The following CSMD3 variants were observed in gnomAD, a reference collection of about 807,000 sequenced individuals.
CSMD3 encodes the protein CUB and sushi domain-containing protein 3.
CSMD3 carries 177 observed loss-of-function variants against 435.2 expected under a neutral mutation model. The observed-to-expected ratio is 0.41, with a 90% CI of 0.36 to 0.46. CSMD3 has a LOEUF of 0.46. Ranked by LOEUF, CSMD3 falls within the 20% of genes least tolerant of loss-of-function variation. The probability of loss-of-function intolerance (pLI) is 0.34; values close to 1 mark genes in which losing one functional copy is unlikely to be tolerated. For synonymous variants in CSMD3, 1,656 were observed against 1,520.5 expected (o/e 1.09, Z -2.07); for missense variants, 4,265 against 4,504.6 (o/e 0.95, Z 1.52).
chr8:112,277,685 T>A (rs1302698330), intron 59 of CSMD3, among the ~76,000 whole-genome samples: 2 of 152,154 alleles, frequency 1.3e-5, no homozygotes, highest in Non-Finnish European at 2.9e-5. Flanking sequence ...GGGTAATTTA[T>A]AAAGAAAAAG....
At chr8:112,692,550 C>T (rs2076160153) in intron 13 of CSMD3, among the ~76,000 whole-genome samples, 1 of 152,166 alleles carries the variant, frequency 6.6e-6, no homozygotes, top group African/African-American at 2.4e-5. Context: ...TGTCTACTGG[C>T]TCCAACAACT....
At chr8:112,334,293 T>C (rs1292035618) in intron 45 of CSMD3, among the ~76,000 whole-genome samples, 1 of 152,178 alleles carries the variant, frequency 6.6e-6, no homozygotes, top group Non-Finnish European at 1.5e-5. Flanking sequence ...TTATGATAAA[T>C]TTCTGACTAG....
Position 113,098,650 on chromosome 8 carries a change from G to A in CSMD3, c.917+106C>T, listed in dbSNP as rs1316251288. 5.1e-6 allele frequency: 4 copies of A among 778,024 alleles called. No homozygotes were observed. The East Asian group carries it at 7.9e-5, about 15-fold the overall frequency. The allele number at this position is 778,024 out of a possible 1,614,324, so 48.2% of individuals were successfully genotyped here. A position where few individuals can be genotyped will look rare whatever the true frequency, so the allele number is the denominator to read the frequency against. ...ACCTCTTCACATAACTTTCCTGTAAGATCTTTTAAATATCCAAACCTGTAA... is the reference window on the plus strand; with the variant it reads ...ACCTCTTCACATAACTTTCCTGTAAAATCTTTTAAATATCCAAACCTGTAA... On this transcript the variant is annotated intron_variant, in intron 5 of 70. Transcript: ENST00000297405.
chr8:113,284,016 A>G (rs558004068), intron 2 of CSMD3, among the ~76,000 whole-genome samples: 1 of 152,244 alleles, frequency 6.6e-6, no homozygotes, highest in African/African-American at 2.4e-5. Flanking sequence ...TAGTCTCACT[A>G]ATATGTGGGA....
At chr8:112,859,676 A>G (rs1183701880) in intron 10 of CSMD3, among the ~76,000 whole-genome samples, 1 of 151,826 alleles carries the variant, frequency 6.6e-6, no homozygotes, top group African/African-American at 2.4e-5. Flanking sequence ...AGGACTCACA[A>G]TAGTGCAGTT....
At chr8:112,833,454 AG>A (rs1403880942) in intron 11 of CSMD3, among the ~76,000 whole-genome samples, 1 of 152,074 alleles carries the variant, frequency 6.6e-6, no homozygotes, top group African/African-American at 2.4e-5. Context: ...TGATCTAACT[AG>A]GCACTGGATA....
At chr8:112,896,449 T>G (rs562629355) in intron 10 of CSMD3, among the ~76,000 whole-genome samples, 47 of 151,574 alleles carry the variant, frequency 3.1e-4, no homozygotes, top group Non-Finnish European at 5.6e-4. Flanking sequence ...TTGAGATGAT[T>G]TGTTACATAG....
intron 38 of CSMD3, among the ~76,000 whole-genome samples, chr8:112,379,357 T>C (rs1829256201): frequency 6.6e-6 from 1 of 152,082 alleles, no homozygotes; most frequent in Admixed American, 6.6e-5. Flanking sequence ...TAATCCCAGC[T>C]ACTTGGGAGG....
At chr8:113,346,109 G>A (rs1269122321) in intron 1 of CSMD3, among the ~76,000 whole-genome samples, 2 of 151,918 alleles carry the variant, frequency 1.3e-5, no homozygotes, top group Non-Finnish European at 2.9e-5. Context: ...TAATTTATTT[G>A]TCATTTTTCT....
At chr8:113,109,363 C>T (rs1331942053) in intron 4 of CSMD3, among the ~76,000 whole-genome samples, 1 of 152,122 alleles carries the variant, frequency 6.6e-6, no homozygotes. Context: ...GGATGAGACT[C>T]AAGGTATCAT....
chr8:112,437,230 T>G (rs1032706797), intron 32 of CSMD3, among the ~76,000 whole-genome samples: 1 of 146,692 alleles, frequency 6.8e-6, no homozygotes, highest in Admixed American at 6.7e-5. Context: ...CAGATGTAAA[T>G]CACTAGGTTT....
At chr8:112,265,716 T>C (rs1216423382) in intron 59 of CSMD3, 126 bp from the exon 60 acceptor site, 1 of 755,214 alleles carries the variant, frequency 1.3e-6, no homozygotes, top group Non-Finnish European at 2.4e-6. Context: ...TTTTTAATCA[T>C]AAAACATAAA....
At chr8:112,395,346 T>C (rs1830771976) in intron 35 of CSMD3, among the ~76,000 whole-genome samples, 1 of 152,190 alleles carries the variant, frequency 6.6e-6, no homozygotes, top group Non-Finnish European at 1.5e-5. Flanking sequence ...TTAATAGTGC[T>C]TCATTCAAAT....
intron 8 of CSMD3, among the ~76,000 whole-genome samples, chr8:112,954,026 A>T (rs1296722974): frequency 6.6e-6 from 1 of 151,502 alleles, no homozygotes; most frequent in East Asian, 1.9e-4. Flanking sequence ...CTACTAAAAA[A>T]ATTTCGTGTT....
At chr8:113,114,373 G>C (rs930133358) in intron 4 of CSMD3, among the ~76,000 whole-genome samples, 2 of 152,092 alleles carry the variant, frequency 1.3e-5, no homozygotes, top group Non-Finnish European at 2.9e-5. Context: ...AATTTGAAAA[G>C]GGAAGAGGGA....
intron 27 of CSMD3, among the ~76,000 whole-genome samples, chr8:112,521,509 C>A (rs1467366862): frequency 6.6e-6 from 1 of 151,894 alleles, no homozygotes; most frequent in Admixed American, 6.6e-5. Flanking sequence ...TTGCTGCTCT[C>A]TTTTGGTATC....
chr8:113,124,389 T>A (rs1303855609), intron 4 of CSMD3, among the ~76,000 whole-genome samples: 1 of 151,904 alleles, frequency 6.6e-6, no homozygotes, highest in African/African-American at 2.4e-5. Flanking sequence ...TTTCTCACAT[T>A]ATTTAACGAG....
intron 2 of CSMD3, among the ~76,000 whole-genome samples, chr8:113,304,769 T>C (rs1588478752): frequency 1.3e-5 from 1 of 76,314 alleles, no homozygotes; most frequent in African/African-American, 5.3e-5. Context: ...TGTGGTGGGG[T>C]CGGGGGAGGG....
intron 31 of CSMD3, among the ~76,000 whole-genome samples, chr8:112,476,136 C>T (rs1163582409): frequency 6.6e-6 from 1 of 152,122 alleles, no homozygotes; most frequent in African/African-American, 2.4e-5. Flanking sequence ...ACCTCCACCT[C>T]CCAGGTTCAA....
Sources: allele counts gnomAD v4.1 joint callset (sites outside exome capture counted in the v4.1 genomes callset), GRCh38; gene constraint gnomAD v4.1.1; transcripts MANE v1.5; gene names NCBI Gene and HGNC (gene_info 2026-07-23, HGNC 2026-07-21).